Variants in EXTL3 observed in about 807,000 individuals in gnomAD.
The protein encoded by EXTL3 is exostosin like glycosyltransferase 3, also known as exostosin-like 3.
Under a neutral mutation model 69.3 loss-of-function variants are expected in EXTL3, and 27 were observed. The ratio of observed to expected loss-of-function variants is 0.39; its 90% CI spans 0.29 to 0.54. The LOEUF is 0.54. Ranked by LOEUF, EXTL3 falls within the 20% of genes least tolerant of loss-of-function variation. EXTL3 has a pLI of 0.69. For missense variants in EXTL3, 1,003 were observed against 1,231.8 expected, an observed-to-expected ratio of 0.81 and a Z score of 2.78; for synonymous variants, 511 against 499.4, an observed-to-expected ratio of 1.02 and a Z score of -0.31.
chr8:28,714,056 G>GC (rs1322525761), intron 2 of EXTL3, among the ~76,000 whole-genome samples: 1 of 151,838 alleles, frequency 6.6e-6, no homozygotes, highest in Non-Finnish European at 1.5e-5. Flanking sequence ...ACAGTTGCGT[G>GC]CCACCACACC....
intron 4 of EXTL3, among the ~76,000 whole-genome samples, chr8:28,733,964 C>T (rs2130777828): frequency 6.6e-6 from 1 of 152,066 alleles, no homozygotes; most frequent in South Asian, 2.1e-4. Flanking sequence ...ACTACAGGCG[C>T]CTGCCACCAT....
intron 1 of EXTL3, among the ~76,000 whole-genome samples, chr8:28,663,000 C>A (rs764058128): frequency 6.6e-6 from 1 of 152,136 alleles, no homozygotes; most frequent in Admixed American, 6.6e-5. Flanking sequence ...ATTGTATTAC[C>A]GTACTATCAG....
intron 1 of EXTL3, among the ~76,000 whole-genome samples, chr8:28,650,765 T>G (rs1323676209): frequency 6.6e-6 from 1 of 152,182 alleles, no homozygotes; most frequent in South Asian, 2.1e-4. Context: ...GCCCCTTTAG[T>G]TGATTGATCT....
chr8:28,718,458 C>T (rs1327576586), intron 3 of EXTL3, among the ~76,000 whole-genome samples: 2 of 152,112 alleles, frequency 1.3e-5, no homozygotes, highest in Admixed American at 1.3e-4. Flanking sequence ...ATTTTATATT[C>T]AATATACAAA....
chr8:28,643,419 T>C (rs1400421106), intron 1 of EXTL3, among the ~76,000 whole-genome samples: 2 of 136,044 alleles, frequency 1.5e-5, no homozygotes, highest in Non-Finnish European at 3.2e-5. Flanking sequence ...TTTTTTTTTC[T>C]TTTTTTCTTT....
rs750025474 is a variant in EXTL3 at position 28,755,517 on chromosome 8, G to A, written c.*4651G>A. 5 of 152,348 alleles carry A rather than the reference G, an allele frequency of 3.3e-5. No individual in the cohort carries two copies. Among genetic ancestry groups the A allele is most frequent in the Admixed American group, 2.0e-4 (3 of 15,286 alleles). 9.4% of individuals were successfully genotyped at this position (152,348 alleles called of 1,614,324 possible). A position where few individuals can be genotyped will look rare whatever the true frequency, so the allele number is the denominator to read the frequency against. ...TAATCCCAGCACCTGGGGAGGCCAA[G>A]GCGGGTGGATCACCTGAGGTCAGGA... On this transcript the variant is annotated 3_prime_UTR_variant, in exon 7 of 7. Coordinates refer to ENST00000220562, the MANE Select transcript of EXTL3 (RefSeq NM_001440.4).
At chr8:28,634,698 G>C (rs1806624797) in intron 1 of EXTL3, among the ~76,000 whole-genome samples, 1 of 151,608 alleles carries the variant, frequency 6.6e-6, no homozygotes. Flanking sequence ...GGGTTCAAGT[G>C]ATTATCCTGC....
intron 1 of EXTL3, among the ~76,000 whole-genome samples, chr8:28,653,999 A>G (rs1563437032): frequency 6.6e-6 from 1 of 152,214 alleles, no homozygotes; most frequent in Admixed American, 6.5e-5. Context: ...AACAATATTA[A>G]GTCTTCCAAT....
chr8:28,616,363 C>T (rs182112656), intron 2 of EXTL3, among the ~76,000 whole-genome samples: 7 of 152,244 alleles, frequency 4.6e-5, no homozygotes, highest in African/African-American at 1.4e-4. Flanking sequence ...CAGTGGCTCA[C>T]GCCTGTAATC....
intron 1 of EXTL3, among the ~76,000 whole-genome samples, chr8:28,646,151 T>C (rs891741997): frequency 1.3e-5 from 2 of 152,208 alleles, no homozygotes; most frequent in Admixed American, 1.3e-4. Flanking sequence ...CCTGAGCCAC[T>C]GTGCCCAGCC....
intron 3 of EXTL3, among the ~76,000 whole-genome samples, chr8:28,729,757 T>C (rs1405355105): frequency 1.3e-5 from 2 of 152,000 alleles, no homozygotes; most frequent in African/African-American, 4.8e-5. Context: ...TCCTTGCACT[T>C]TCGGAGCCGA....
At position 28,753,876 on chromosome 8, in the gene EXTL3, C is replaced by T. The variant is rs1370474955; in HGVS notation, c.*3010C>T. On this transcript the variant is annotated 3_prime_UTR_variant, in exon 7 of 7. Transcript: ENST00000220562. Reference sequence around the variant, plus strand: ...TGTGGACCAGAGATGGGTGAACAGACTCACACTCACATGGGCAGCCTTGCC... The same window carrying T: ...TGTGGACCAGAGATGGGTGAACAGATTCACACTCACATGGGCAGCCTTGCC... 1 of 152,226 alleles carries T rather than the reference C, an allele frequency of 6.6e-6. No homozygotes were observed. Among genetic ancestry groups the T allele is most frequent in the African/African-American group, 2.4e-5 (1 of 41,430 alleles). 9.4% of individuals were successfully genotyped at this position (152,226 alleles called of 1,614,324 possible).
chr8:28,672,790 G>A (rs1807317793), intron 1 of EXTL3, among the ~76,000 whole-genome samples: 1 of 152,164 alleles, frequency 6.6e-6, no homozygotes, highest in Non-Finnish European at 1.5e-5. Context: ...AACCTAGAAA[G>A]GTAACCGATA....
intron 1 of EXTL3, among the ~76,000 whole-genome samples, chr8:28,652,615 C>G (rs996948764): frequency 1.3e-5 from 2 of 152,010 alleles, no homozygotes; most frequent in African/African-American, 2.4e-5. Flanking sequence ...GATCGTGCCA[C>G]TGCACTGTAG....
intron 1 of EXTL3, among the ~76,000 whole-genome samples, chr8:28,636,241 A>G (rs1199456989): frequency 6.6e-6 from 1 of 151,674 alleles, no homozygotes; most frequent in Non-Finnish European, 1.5e-5. Flanking sequence ...CTGAGGCAGG[A>G]GAATTGCCTG....
chr8:28,671,449 T>G (rs1272590591), intron 1 of EXTL3, among the ~76,000 whole-genome samples: 1 of 151,930 alleles, frequency 6.6e-6, no homozygotes, highest in East Asian at 1.9e-4. Flanking sequence ...AAGCGATTCT[T>G]GTGCTTCAAC....
intron 1 of EXTL3, among the ~76,000 whole-genome samples, chr8:28,666,621 G>A (rs918453108): frequency 3.9e-5 from 6 of 152,124 alleles, no homozygotes; most frequent in African/African-American, 1.2e-4. Context: ...TGTCGCCCAG[G>A]CTGGAGTGCA....
rs569816915 is a variant in EXTL3 at position 28,741,108 on chromosome 8, C to T, written c.2422-1978C>T. 60 of 152,390 alleles carry T rather than the reference C, an allele frequency of 3.9e-4. No homozygotes were observed. The South Asian group carries it at 0.012, about 31-fold the overall frequency. The allele number at this position is 152,390 out of a possible 1,614,324, so 9.4% of individuals were successfully genotyped here. A position where few individuals can be genotyped will look rare whatever the true frequency, so the allele number is the denominator to read the frequency against. On this transcript the variant is annotated intron_variant, in intron 5 of 6. Coordinates refer to ENST00000220562, the MANE Select transcript of EXTL3 (RefSeq NM_001440.4). ...AGTAGCTGGGATTCACCCTGTTGGC[C>T]AGGCTGGTCTCGAACTCCTGACCTC...
At chr8:28,749,434 ATAAATT>A (rs1801957126) in intron 6 of EXTL3, among the ~76,000 whole-genome samples, 1 of 152,174 alleles carries the variant, frequency 6.6e-6, no homozygotes, top group Non-Finnish European at 1.5e-5. Flanking sequence ...GAAGTAGAAG[ATAAATT>A]TAAAGACACT....
Sources: allele counts gnomAD v4.1 joint callset (sites outside exome capture counted in the v4.1 genomes callset), GRCh38; gene constraint gnomAD v4.1.1; transcripts MANE v1.5; gene names NCBI Gene and HGNC (gene_info 2026-07-23, HGNC 2026-07-21).